The following TMED3 variants were observed in gnomAD, a reference collection of about 807,000 sequenced individuals.
The protein encoded by TMED3 is transmembrane emp24 domain-containing protein 3.
TMED3 carries 9 observed loss-of-function variants against 15.0 expected under a neutral mutation model. The observed-to-expected ratio is 0.60, with a 90% confidence interval of 0.36 to 1.04. The LOEUF (loss-of-function observed/expected upper bound fraction) is 1.04, where lower values mean the gene tolerates loss of function less well. Ranked by LOEUF, TMED3 falls within the 50% of genes least tolerant of loss-of-function variation. The probability of loss-of-function intolerance (pLI) is 0.01; values close to 1 mark genes in which losing one functional copy is unlikely to be tolerated. For synonymous variants in TMED3, 117 were observed against 121.4 expected (o/e 0.96, Z 0.24); for missense variants, 267 against 278.9 (o/e 0.96, Z 0.30).
At chr15:79,380,296 G>C (rs1190743327) in intron 2 of TMED3, among the ~76,000 whole-genome samples, 2 of 151,626 alleles carry the variant, frequency 1.3e-5, no homozygotes, top group Non-Finnish European at 2.9e-5. Flanking sequence ...ATTGCAGTGA[G>C]CCTAGATTGT....
intron 2 of TMED3, among the ~76,000 whole-genome samples, chr15:79,372,055 AAAAC>A (rs951403730): frequency 3.3e-5 from 5 of 152,236 alleles, no homozygotes; most frequent in Admixed American, 1.3e-4. Flanking sequence ...AGAATAAGCA[AAAAC>A]AAACAAACAA....
chr15:79,339,879 G>A (rs1271499215), intron 2 of TMED3, among the ~76,000 whole-genome samples: 1 of 122,534 alleles, frequency 8.2e-6, no homozygotes, highest in East Asian at 2.4e-4. Flanking sequence ...GATGGTAGTG[G>A]TGATGGTGGT....
intron 2 of TMED3, among the ~76,000 whole-genome samples, chr15:79,367,330 T>C (rs962736698): frequency 6.0e-5 from 9 of 149,942 alleles, no homozygotes; most frequent in Admixed American, 5.3e-4. Context: ...CCTGGTGCAG[T>C]AGGACCAGCG....
chr15:79,345,582 T>C (rs1201131708), intron 2 of TMED3, among the ~76,000 whole-genome samples: 1 of 152,250 alleles, frequency 6.6e-6, no homozygotes, highest in African/African-American at 2.4e-5. Context: ...TCCATGTCTT[T>C]GCTATTGTGA....
chr15:79,313,859 C>T lies in TMED3; in HGVS notation c.271C>T (p.Arg91Trp), dbSNP rs781128566. 25 of 1,614,080 alleles carry T rather than the reference C, an allele frequency of 1.5e-5. No individual in the cohort carries two copies. Among genetic ancestry groups the T allele is most frequent in the African/African-American group, 6.7e-5 (5 of 74,930 alleles). The stretch of plus-strand genomic sequence containing the variant: ...GAAGCAGTACGACAGCTTCACGTAC[C>T]GGGCTGAAGTCAAGGGCGTTTATCA... The part of the protein sequence containing the change: ...TKKQYDSFTY[R>W]AEVKGVYQFC... The change falls in exon 2 of 3, where the codon CGG (arginine) becomes TGG (tryptophan). Residue 91 changes from arginine (R) to tryptophan (W), a missense_variant. Around this residue, in one of 3 missense-constraint regions of TMED3, gnomAD observed 69 missense variants for 106.8 expected, o/e 0.65. Transcript: ENST00000299705.
downstream of TMED3, chr15:79,322,932 T>C (rs896544770): frequency 1.0e-6 from 1 of 974,154 alleles, no homozygotes; most frequent in African/African-American, 1.8e-5. Context: ...GAATGTGACA[T>C]AGAGTACCTA....
At chr15:79,313,281 G>A (rs1015815390) in intron 1 of TMED3, among the ~76,000 whole-genome samples, 2 of 152,036 alleles carry the variant, frequency 1.3e-5, no homozygotes. Flanking sequence ...TTGATTTCGG[G>A]AAGCTTTATC....
At chr15:79,358,073 G>A (rs1893048037) in intron 2 of TMED3, among the ~76,000 whole-genome samples, 1 of 152,194 alleles carries the variant, frequency 6.6e-6, no homozygotes, top group African/African-American at 2.4e-5. Flanking sequence ...CTAACGGGAT[G>A]GGCCACTGAA....
At chr15:79,381,177 G>A (rs887849858) in intron 2 of TMED3, among the ~76,000 whole-genome samples, 1 of 152,082 alleles carries the variant, frequency 6.6e-6, no homozygotes, top group Non-Finnish European at 1.5e-5. Context: ...CACTGGTATA[G>A]AGTCCCATGC....
At chr15:79,319,828 C>T (rs1418764950) in intron 2 of TMED3, among the ~76,000 whole-genome samples, 4 of 152,178 alleles carry the variant, frequency 2.6e-5, no homozygotes. Context: ...CAGCTTATGC[C>T]ATTATTTCTG....
intron 2 of TMED3, among the ~76,000 whole-genome samples, chr15:79,330,008 C>G (rs1442426121): frequency 6.6e-6 from 1 of 151,960 alleles, no homozygotes; most frequent in African/African-American, 2.4e-5. Context: ...TTAGAGATGC[C>G]CGGTGGTCAT....
At chr15:79,335,636 C>T (rs979788349) in intron 2 of TMED3, among the ~76,000 whole-genome samples, 2 of 152,140 alleles carry the variant, frequency 1.3e-5, no homozygotes, top group African/African-American at 4.8e-5. Context: ...ACAAAAAGGG[C>T]AGGTTTTCAA....
chr15:79,397,069 A>G (rs1893771945), intron 2 of TMED3, among the ~76,000 whole-genome samples: 2 of 152,232 alleles, frequency 1.3e-5, no homozygotes, highest in Non-Finnish European at 2.9e-5. Context: ...GGAGTGTCAA[A>G]GAATTTGTGG....
downstream of TMED3, among the ~76,000 whole-genome samples, chr15:79,324,302 A>AT (rs1334797400): frequency 6.6e-6 from 1 of 152,194 alleles, no homozygotes; most frequent in African/African-American, 2.4e-5. Flanking sequence ...CAGAAGAAAT[A>AT]TTTTTAACAC....
intron 2 of TMED3, among the ~76,000 whole-genome samples, chr15:79,332,379 C>A (rs935197133): frequency 1.3e-5 from 2 of 152,246 alleles, no homozygotes; most frequent in African/African-American, 4.8e-5. Flanking sequence ...CTCGCTCACA[C>A]AGGCCATCTG....
intron 2 of TMED3, among the ~76,000 whole-genome samples, chr15:79,402,663 C>T (rs891708353): frequency 3.3e-5 from 5 of 152,062 alleles, no homozygotes; most frequent in Admixed American, 2.6e-4. Flanking sequence ...GGCAGGTGCC[C>T]GTTATCCCAG....
intron 2 of TMED3, among the ~76,000 whole-genome samples, chr15:79,397,032 G>A (rs1893771345): frequency 6.6e-6 from 1 of 152,204 alleles, no homozygotes; most frequent in African/African-American, 2.4e-5. Flanking sequence ...TAAGAGGCGG[G>A]AATGCAGACT....
At chr15:79,352,846 A>C (rs1012210765) in intron 2 of TMED3, among the ~76,000 whole-genome samples, 5 of 121,960 alleles carry the variant, frequency 4.1e-5, no homozygotes, top group African/African-American at 1.5e-4. Context: ...ATATATATAT[A>C]AAATATACAT....
chr15:79,368,244 A>G (rs1459906272), intron 2 of TMED3, among the ~76,000 whole-genome samples: 1 of 152,192 alleles, frequency 6.6e-6, no homozygotes, highest in Non-Finnish European at 1.5e-5. Context: ...AAGGAACTCA[A>G]GATTTTCCTT....
Sources: allele counts gnomAD v4.1 joint callset (sites outside exome capture counted in the v4.1 genomes callset), GRCh38; gene constraint gnomAD v4.1.1; regional missense constraint gnomAD v4.1.1; transcripts MANE v1.5; gene names NCBI Gene and HGNC (gene_info 2026-07-23, HGNC 2026-07-21).